Variants in UBE2R2 observed in about 807,000 individuals in gnomAD.
UBE2R2 encodes ubiquitin-conjugating enzyme E2 R2.
In UBE2R2, 1 loss-of-function variant was observed where a neutral mutation model predicts 27.8. The observed-to-expected ratio is 0.04, with a 90% CI of 0.01 to 0.17. The LOEUF (loss-of-function observed/expected upper bound fraction) is 0.17. Among genes scored for constraint, UBE2R2 ranks in the 10% least tolerant of loss-of-function variants. The probability of loss-of-function intolerance (pLI) is 1.00; values close to 1 mark genes in which losing one functional copy is unlikely to be tolerated. For synonymous variants in UBE2R2, 106 were observed against 113.3 expected, an observed-to-expected ratio of 0.94 and a Z score of 0.41; for missense variants, 100 against 291.0, an observed-to-expected ratio of 0.34 and a Z score of 4.78.
intron 4 of UBE2R2, among the ~76,000 whole-genome samples, chr9:33,912,325 C>T (rs1208077393): frequency 1.3e-5 from 2 of 151,938 alleles, no homozygotes; most frequent in African/African-American, 4.8e-5. Context: ...TTTCTAGGAA[C>T]CAGAACTTCT....
intron 1 of UBE2R2, among the ~76,000 whole-genome samples, chr9:33,848,710 T>C (rs577721949): frequency 6.6e-6 from 1 of 152,002 alleles, no homozygotes; most frequent in Admixed American, 6.6e-5. Context: ...CTAGCAATTC[T>C]CCTGCCTTAG....
intron 1 of UBE2R2, among the ~76,000 whole-genome samples, chr9:33,884,061 G>A (rs1164404584): frequency 1.3e-5 from 2 of 151,972 alleles, no homozygotes; most frequent in African/African-American, 4.8e-5. Context: ...AGGTGGCTGA[G>A]GTGGGTGAAT....
chr9:33,857,508 G>A (rs1038806355), intron 1 of UBE2R2, among the ~76,000 whole-genome samples: 1 of 151,658 alleles, frequency 6.6e-6, no homozygotes, highest in African/African-American at 2.4e-5. Context: ...AGTTGATGGG[G>A]TTTCACCATG....
rs1825830088 is a variant in UBE2R2 at position 33,817,619 on chromosome 9, T to TGTGGGGCCTGGTCC, written c.-138_-137insTGGGGCCTGGTCCG. ...CCCACGGGCCGTGTGGGGCCTGGTC[T>TGTGGGGCCTGGTCC]GGCCCGCCGGGTGTGTGAAGACCGG... On this transcript the variant is annotated 5_prime_UTR_variant, in exon 1 of 5. Transcript: ENST00000263228. 21 of 1,042,488 alleles carry TGTGGGGCCTGGTCC rather than the reference T, an allele frequency of 2.0e-5. No individual in the cohort carries two copies. Among genetic ancestry groups the TGTGGGGCCTGGTCC allele is most frequent in the Non-Finnish European group, 2.5e-5 (21 of 854,988 alleles). 64.6% of individuals were successfully genotyped at this position (1,042,488 alleles called of 1,614,324 possible).
intron 4 of UBE2R2, among the ~76,000 whole-genome samples, chr9:33,914,205 T>C (rs1822575486): frequency 6.6e-6 from 1 of 152,188 alleles, no homozygotes; most frequent in Admixed American, 6.5e-5. Flanking sequence ...ATTATACCTA[T>C]AGAAGCCTAA....
intron 2 of UBE2R2, among the ~76,000 whole-genome samples, chr9:33,897,399 C>G (rs1822138475): frequency 6.9e-6 from 1 of 145,852 alleles, no homozygotes; most frequent in African/African-American, 2.6e-5. Context: ...CTCACCGCAA[C>G]CTCCGCCTCC....
intron 1 of UBE2R2, among the ~76,000 whole-genome samples, chr9:33,869,611 G>A (rs922647866): frequency 6.6e-6 from 1 of 151,404 alleles, no homozygotes; most frequent in Non-Finnish European, 1.5e-5. Context: ...CACCACACCC[G>A]GCTAATTTTG....
At chr9:33,905,081 C>T (rs1196173824) in intron 3 of UBE2R2, among the ~76,000 whole-genome samples, 1 of 152,124 alleles carries the variant, frequency 6.6e-6, no homozygotes, top group Non-Finnish European at 1.5e-5. Flanking sequence ...CTGTGAGACA[C>T]CATCCCCAGA....
chr9:33,896,899 T>C (rs918497236), intron 2 of UBE2R2, among the ~76,000 whole-genome samples: 5 of 152,004 alleles, frequency 3.3e-5, no homozygotes, highest in African/African-American at 9.7e-5. Flanking sequence ...TATGTCATTT[T>C]GAAATGCAAA....
At position 33,918,786 on chromosome 9, in the gene UBE2R2, A is replaced by AACTC. The variant is rs1366664777; in HGVS notation, c.*1551_*1554dup. The stretch of plus-strand genomic sequence containing the variant: ...AGTGTCAACTCCTCCTTTGGCTCGT[A>AACTC]ACTCAGAAAGAACCAAAGGGCAGAT... On this transcript the variant is annotated 3_prime_UTR_variant, in exon 5 of 5. Transcript: ENST00000263228. The AACTC allele has an allele frequency of 6.6e-6, 1 of 152,650 alleles. No individual in the cohort carries two copies. Among genetic ancestry groups the AACTC allele is most frequent in the East Asian group, 1.9e-4 (1 of 5,188 alleles). The allele number at this position is 152,650 out of a possible 1,614,324, so 9.5% of individuals were successfully genotyped here. A position where few individuals can be genotyped will look rare whatever the true frequency, so the allele number is the denominator to read the frequency against.
intron 1 of UBE2R2, among the ~76,000 whole-genome samples, chr9:33,857,375 G>C (rs1821131084): frequency 6.6e-6 from 1 of 151,898 alleles, no homozygotes; most frequent in Admixed American, 6.6e-5. Context: ...CTGGAGTGCG[G>C]TGGCACTATC....
At chr9:33,915,906 G>A (rs4879734) in intron 4 of UBE2R2, among the ~76,000 whole-genome samples, 1 of 151,892 alleles carries the variant, frequency 6.6e-6, no homozygotes, top group African/African-American at 2.4e-5. Flanking sequence ...ATCTGAGGCC[G>A]TGATTCTGAG....
At chr9:33,859,231 AAATGT>A (rs1821171637) in intron 1 of UBE2R2, among the ~76,000 whole-genome samples, 1 of 152,214 alleles carries the variant, frequency 6.6e-6, no homozygotes, top group South Asian at 2.1e-4. Context: ...TTTGTTTTCA[AAATGT>A]AATTGTTACT....
intron 1 of UBE2R2, among the ~76,000 whole-genome samples, chr9:33,828,755 T>A (rs1820375550): frequency 6.7e-6 from 1 of 148,340 alleles, no homozygotes; most frequent in South Asian, 2.1e-4. Flanking sequence ...TTTTTTGAGA[T>A]GGAGTTTTGC....
chr9:33,863,634 CTTATA>C (rs1238845713), intron 1 of UBE2R2, among the ~76,000 whole-genome samples: 2 of 152,014 alleles, frequency 1.3e-5, no homozygotes, highest in Admixed American at 1.3e-4. Flanking sequence ...TCATTTTAAA[CTTATA>C]TTAAGGACAT....
intron 1 of UBE2R2, among the ~76,000 whole-genome samples, chr9:33,858,317 A>T (rs1196760560): frequency 1.3e-5 from 2 of 152,176 alleles, no homozygotes; most frequent in Non-Finnish European, 2.9e-5. Flanking sequence ...TTACATTCTG[A>T]TCAGAAATTA....
chr9:33,916,966 T>G, intron 4 of UBE2R2, 52 bp from the exon 5 acceptor site: 1 of 1,597,976 alleles, frequency 6.3e-7, no homozygotes, highest in Non-Finnish European at 8.5e-7. Context: ...ATTATAAATC[T>G]GTCTTAAAAA....
At chr9:33,830,494 C>T (rs1272030737) in intron 1 of UBE2R2, among the ~76,000 whole-genome samples, 21 of 148,804 alleles carry the variant, frequency 1.4e-4, no homozygotes, top group Admixed American at 3.3e-4. Flanking sequence ...TGATTGGACG[C>T]GTTGGCTCAT....
intron 1 of UBE2R2, among the ~76,000 whole-genome samples, chr9:33,846,398 T>A (rs1331217325): frequency 6.6e-6 from 1 of 152,234 alleles, no homozygotes; most frequent in Non-Finnish European, 1.5e-5. Context: ...AGTGTATTTT[T>A]TTTAGGATAG....
Sources: gnomAD v4.1 joint callset for allele counts (sites outside exome capture counted in the v4.1 genomes callset) on GRCh38, gnomAD v4.1.1 for gene constraint, MANE v1.5 for transcripts, NCBI Gene and HGNC (gene_info 2026-07-23, HGNC 2026-07-21) for gene names.